SLC25A40: variants seen among roughly 807,000 people sequenced by gnomAD.
SLC25A40 encodes the protein mitochondrial glutathione transporter SLC25A40.
Under a neutral mutation model 46.5 loss-of-function variants are expected in SLC25A40, and 41 were observed. That is an observed-to-expected ratio of 0.88 (90% CI 0.69 to 1.14). The LOEUF is 1.14. SLC25A40 is among the 50% of genes most tolerant of loss of function. SLC25A40 has a pLI of 0.00. For missense variants in SLC25A40, 386 were observed against 393.6 expected (o/e 0.98, Z 0.16); for synonymous variants, 126 against 127.5 (o/e 0.99, Z 0.08).
chr7:87,865,237 AT>A (rs141421770), intron 1 of SLC25A40, among the ~76,000 whole-genome samples: 1,600 of 152,130 alleles, frequency 0.011, 33 homozygotes, highest in African/African-American at 0.036. Flanking sequence ...ACAACAAATT[AT>A]TTTTAAAAGA....
chr7:87,841,362 T>C (rs961400054), intron 10 of SLC25A40, among the ~76,000 whole-genome samples: 2 of 151,762 alleles, frequency 1.3e-5, no homozygotes, highest in African/African-American at 4.8e-5. Flanking sequence ...AACTTAGCTT[T>C]TAAATGACAA....
intron 3 of SLC25A40, among the ~76,000 whole-genome samples, chr7:87,857,325 A>G (rs1838629945): frequency 6.6e-6 from 1 of 152,250 alleles, no homozygotes; most frequent in African/African-American, 2.4e-5. Flanking sequence ...ATAGGGACCC[A>G]AAAGAAATCC....
At chr7:87,875,217 T>G (rs1838972450) in intron 1 of SLC25A40, among the ~76,000 whole-genome samples, 1 of 152,242 alleles carries the variant, frequency 6.6e-6, no homozygotes, top group Admixed American at 6.5e-5. Flanking sequence ...TGTCCACTTC[T>G]GCTAGACATT....
At chr7:87,874,803 T>C (rs900773115) in intron 1 of SLC25A40, among the ~76,000 whole-genome samples, 4 of 152,238 alleles carry the variant, frequency 2.6e-5, no homozygotes, top group Non-Finnish European at 5.9e-5. Flanking sequence ...GTGAAGCCCA[T>C]ATGATTCCAA....
chr7:87,849,888 G>A lies in SLC25A40; in HGVS notation c.325C>T (p.Pro109Ser). ...CATTAAATTTCAACTTACAGGGTAGGAGGAAGGCCACTCCATAGAGATTTA... is the reference window on the plus strand; with the variant it reads ...CATTAAATTTCAACTTACAGGGTAGAAGGAAGGCCACTCCATAGAGATTTA... ...GIKSLWSGLPPTLVMAVPATV... is the reference protein window; with the variant it reads ...GIKSLWSGLPSTLVMAVPATV... The change falls in exon 6 of 12, where the codon CCT becomes TCT. Residue 109 changes from proline to serine, a missense_variant. Transcript: ENST00000341119. 1 of 1,593,998 alleles carries A rather than the reference G, an allele frequency of 6.3e-7. No homozygotes were observed. The highest frequency in any genetic ancestry group is 8.5e-7 in the Non-Finnish European group (1 of 1,170,464).
At chr7:87,851,307 A>G (rs1248844556) in intron 5 of SLC25A40, among the ~76,000 whole-genome samples, 1 of 152,254 alleles carries the variant, frequency 6.6e-6, no homozygotes, top group Non-Finnish European at 1.5e-5. Context: ...TATGCTAAGT[A>G]AAAGACATTA....
intron 5 of SLC25A40, among the ~76,000 whole-genome samples, chr7:87,851,583 T>C (rs1054451837): frequency 5.3e-5 from 8 of 152,212 alleles, no homozygotes; most frequent in East Asian, 1.9e-4. Context: ...ACAGGAGGAA[T>C]AGTGGAGAGT....
intron 1 of SLC25A40, among the ~76,000 whole-genome samples, chr7:87,870,142 G>A (rs1224938354): frequency 6.6e-6 from 1 of 150,630 alleles, no homozygotes; most frequent in Admixed American, 6.6e-5. Flanking sequence ...TTTTAAATTG[G>A]GTCATCTTCT....
intron 3 of SLC25A40, 96 bp downstream of exon 3, chr7:87,858,535 T>C (rs766921765): frequency 4.8e-5 from 35 of 724,684 alleles, no homozygotes; most frequent in Admixed American, 2.8e-4. Context: ...TTATGGAAAA[T>C]AGAAAGAAAC....
intron 9 of SLC25A40, chr7:87,842,055 G>A: frequency 2.7e-6 from 1 of 374,778 alleles, no homozygotes. Context: ...TACATCACAA[G>A]AAGATACAAC....
At chr7:87,856,407 GT>G in intron 3 of SLC25A40, 56 bp from the exon 4 acceptor site, 1 of 1,252,110 alleles carries the variant, frequency 8.0e-7, no homozygotes, top group Non-Finnish European at 1.2e-6. Context: ...TTGGATAGAT[GT>G]TTTACACAGA....
rs1838651854 is a variant in SLC25A40 at position 87,858,732 on chromosome 7, T to C, written c.-5A>G. The C allele has an allele frequency of 6.3e-7, 1 of 1,589,018 alleles. No homozygotes were observed. Among genetic ancestry groups the C allele is most frequent in the Admixed American group, 1.7e-5 (1 of 59,864 alleles). ...TCCCCTTGTCTCAGGATCCATATTT[T>C]TAACTAATTAAATAAAAACCTGTTA... On this transcript the variant is annotated 5_prime_UTR_variant, in exon 3 of 12. It removes the in-frame stop codon of an upstream open reading frame in the 5' UTR. Transcript: ENST00000341119.
chr7:87,864,143 T>A (rs1224627901), intron 1 of SLC25A40, among the ~76,000 whole-genome samples: 1 of 152,222 alleles, frequency 6.6e-6, no homozygotes, highest in Non-Finnish European at 1.5e-5. Context: ...ATCTGTCCAT[T>A]ACTGAGAGTG....
chr7:87,872,004 T>G (rs1838902827), intron 1 of SLC25A40, among the ~76,000 whole-genome samples: 1 of 152,268 alleles, frequency 6.6e-6, no homozygotes, highest in Non-Finnish European at 1.5e-5. Flanking sequence ...CCATTGGTTC[T>G]GTAGTTGTGT....
chr7:87,872,987 A>C (rs2131027054), intron 1 of SLC25A40, among the ~76,000 whole-genome samples: 2 of 152,354 alleles, frequency 1.3e-5, no homozygotes, highest in East Asian at 3.9e-4. Flanking sequence ...TAGCCTGCAA[A>C]ACTAAGAATT....
intron 10 of SLC25A40, among the ~76,000 whole-genome samples, chr7:87,841,159 G>A (rs201560585): frequency 1.2e-3 from 171 of 137,718 alleles, no homozygotes; most frequent in Non-Finnish European, 1.6e-3. Context: ...GTGTGTGTGT[G>A]TATATATATA....
At position 87,856,357 on chromosome 7, in the gene SLC25A40, A is replaced by T. The variant is rs747086789; in HGVS notation, c.98-6T>A. ...AACAACATCCAGGGGTGTCACTATG[A>T]AGATATGTTAAGTTTCAATTAGCGA... On this transcript the variant is annotated splice_region_variant and splice_polypyrimidine_tract_variant and intron_variant, in intron 3 of 11. Coordinates refer to ENST00000341119, the MANE Select transcript of SLC25A40 (RefSeq NM_018843.4). The T allele has an allele frequency of 1.2e-6, 2 of 1,611,880 alleles. No individual in the cohort carries two copies. Among genetic ancestry groups the T allele is most frequent in the Non-Finnish European group, 1.7e-6 (2 of 1,178,166 alleles).
intron 6 of SLC25A40, among the ~76,000 whole-genome samples, chr7:87,848,201 A>G (rs1348741243): frequency 1.3e-5 from 2 of 152,214 alleles, no homozygotes; most frequent in Non-Finnish European, 2.9e-5. Flanking sequence ...TTTGCCATCC[A>G]AAAGTTTTCA....
chr7:87,844,007 G>A, intron 8 of SLC25A40, 144 bp from the exon 9 acceptor site: 1 of 1,308,498 alleles, frequency 7.6e-7, no homozygotes, highest in Non-Finnish European at 9.7e-7. Flanking sequence ...CCACTAGGGT[G>A]GGATTTCTTT....
Sources: gnomAD v4.1 joint callset for allele counts (sites outside exome capture counted in the v4.1 genomes callset) on GRCh38, gnomAD v4.1.1 for gene constraint, MANE v1.5 for transcripts, NCBI Gene and HGNC (gene_info 2026-07-23, HGNC 2026-07-21) for gene names.